Variants in MRTFA observed in about 807,000 individuals in gnomAD.
The protein encoded by MRTFA is myocardin-related transcription factor A.
In MRTFA, 20 loss-of-function variants were observed where a neutral mutation model predicts 83.5. The observed-to-expected ratio is 0.24, with a 90% confidence interval of 0.17 to 0.35. The LOEUF (loss-of-function observed/expected upper bound fraction) is 0.35. Ranked by LOEUF, MRTFA falls within the 10% of genes least tolerant of loss-of-function variation. MRTFA has a pLI of 1.00. For missense variants in MRTFA, 1,200 were observed against 1,224.7 expected (o/e 0.98, Z 0.30); for synonymous variants, 659 against 541.2 (o/e 1.22, Z -3.02).
intron 1 of MRTFA, among the ~76,000 whole-genome samples, chr22:40,628,654 TAA>T (rs55678346): frequency 1.1e-4 from 15 of 142,510 alleles, no homozygotes; most frequent in Middle Eastern, 3.6e-3. Context: ...AATGTGGAAG[TAA>T]AAAAAAAAAA....
chr22:40,622,292 C>T lies in MRTFA; in HGVS notation c.-84+14186G>A, dbSNP rs997965621. On this transcript the variant is annotated intron_variant, in intron 1 of 14. Coordinates refer to ENST00000355630, the MANE Select transcript of MRTFA (RefSeq NM_020831.6). Reference sequence around the variant, plus strand: ...GTCAGGAGTTCAAGACCAGCCCGGCCAAGATGGTGAAACCCCGCCTCTACT... The same window carrying T: ...GTCAGGAGTTCAAGACCAGCCCGGCTAAGATGGTGAAACCCCGCCTCTACT... Among the ~76,000 whole-genome samples the T allele has an allele frequency of 2.6e-5, 4 of 151,532 alleles. No individual in the cohort carries two copies. In the East Asian group the frequency reaches 5.8e-4, roughly 22 times the overall value.
chr22:40,477,344 G>A (rs933265642), intron 3 of MRTFA, among the ~76,000 whole-genome samples: 1 of 151,188 alleles, frequency 6.6e-6, no homozygotes, highest in South Asian at 2.1e-4. Flanking sequence ...AGTGAGACTC[G>A]GTCTCAAAAT....
In MRTFA at chr22:40,424,400, G is replaced by A. The variant is rs762250475; in HGVS notation, c.602-19C>T. ...TGGCCCACTGAAACCCAAAGCTGGT[G>A]TGAGATTCCACTTCCAGCCCAGGGA... On this transcript the variant is annotated intron_variant, in intron 7 of 14. Transcript: ENST00000355630. 4 of 1,611,142 alleles carry A rather than the reference G, an allele frequency of 2.5e-6. No individual in the cohort carries two copies. Among genetic ancestry groups the A allele is most frequent in the South Asian group, 1.1e-5 (1 of 90,648 alleles).
At chr22:40,496,983 CTTTGT>C (rs1384819362) in intron 3 of MRTFA, among the ~76,000 whole-genome samples, 2 of 152,176 alleles carry the variant, frequency 1.3e-5, no homozygotes, top group Non-Finnish European at 2.9e-5. Flanking sequence ...AAGCTACACC[CTTTGT>C]TTTGTTTCAT....
intron 6 of MRTFA, 102 bp from the exon 7 acceptor site, chr22:40,429,869 G>T: frequency 8.1e-7 from 1 of 1,230,198 alleles, no homozygotes; most frequent in Non-Finnish European, 1.1e-6. Flanking sequence ...CAAGAGGAGT[G>T]ACTGTCAGAA....
At chr22:40,553,535 C>T (rs1008604871) in intron 2 of MRTFA, among the ~76,000 whole-genome samples, 3 of 152,098 alleles carry the variant, frequency 2.0e-5, no homozygotes, top group Non-Finnish European at 4.4e-5. Context: ...CCTCAGCAGC[C>T]GCCATGTGGT....
At chr22:40,539,649 C>A (rs2055254725) in intron 3 of MRTFA, among the ~76,000 whole-genome samples, 1 of 151,852 alleles carries the variant, frequency 6.6e-6, no homozygotes, top group South Asian at 2.1e-4. Flanking sequence ...ATTACAGGCA[C>A]ACACCACCAC....
At chr22:40,489,251 C>G (rs1302150631) in intron 3 of MRTFA, among the ~76,000 whole-genome samples, 1 of 152,076 alleles carries the variant, frequency 6.6e-6, no homozygotes, top group Non-Finnish European at 1.5e-5. Flanking sequence ...ATTCTTAATA[C>G]TTTTACCATT....
intron 2 of MRTFA, among the ~76,000 whole-genome samples, chr22:40,588,297 G>C (rs2056063223): frequency 1.3e-5 from 2 of 152,166 alleles, no homozygotes; most frequent in African/African-American, 4.8e-5. Context: ...AAAGTGCTGG[G>C]ATTACAGGTG....
At chr22:40,448,615 T>C (rs1345260203) in intron 4 of MRTFA, among the ~76,000 whole-genome samples, 1 of 152,240 alleles carries the variant, frequency 6.6e-6, no homozygotes, top group Non-Finnish European at 1.5e-5. Context: ...CTTGTCATTT[T>C]CTCTAATATT....
intron 3 of MRTFA, among the ~76,000 whole-genome samples, chr22:40,503,633 TCCCAGG>T: frequency 6.6e-6 from 1 of 152,196 alleles, no homozygotes; most frequent in Admixed American, 6.5e-5. Flanking sequence ...CATCAGTGTT[TCCCAGG>T]ATACTGGCTG....
At chr22:40,458,802 G>A (rs997298436) in intron 4 of MRTFA, among the ~76,000 whole-genome samples, 7 of 152,248 alleles carry the variant, frequency 4.6e-5, no homozygotes, top group African/African-American at 1.7e-4. Context: ...GGCTGGCCGG[G>A]CGTGGAGGCT....
intron 2 of MRTFA, among the ~76,000 whole-genome samples, chr22:40,560,812 G>A (rs73169032): frequency 0.088 from 13,341 of 152,004 alleles, 758 homozygotes; most frequent in East Asian, 0.24. Context: ...CACCCTACCC[G>A]CTTTAGGGCT....
intron 1 of MRTFA, among the ~76,000 whole-genome samples, chr22:40,620,332 C>A (rs2056506816): frequency 6.6e-6 from 1 of 151,492 alleles, no homozygotes. Context: ...CTATGTTGGT[C>A]AGGCTGGTCT....
intron 1 of MRTFA, among the ~76,000 whole-genome samples, chr22:40,600,586 C>T (rs1336740580): frequency 2.6e-5 from 4 of 152,132 alleles, no homozygotes; most frequent in African/African-American, 9.7e-5. Flanking sequence ...ATAAAGAAGG[C>T]CTATGTAGCC....
intron 3 of MRTFA, among the ~76,000 whole-genome samples, chr22:40,473,450 T>C (rs2053947103): frequency 6.6e-6 from 1 of 152,166 alleles, no homozygotes; most frequent in Non-Finnish European, 1.5e-5. Context: ...TGAGCCACTG[T>C]ACCCAGCCAA....
rs188445982 is a variant in MRTFA, at chr22:40,434,210, G to A, written c.363+1289C>T. ...TGCCCAGTCTTCTGACCGAATAGGC[G>A]CACAGGCAACGCCATCCTTTCCCCC... On this transcript the variant is annotated intron_variant, in intron 5 of 14. Coordinates refer to ENST00000355630, the MANE Select transcript of MRTFA (RefSeq NM_020831.6). 9.6e-4 allele frequency among the ~76,000 whole-genome samples: 146 copies of A among 152,218 alleles called. 1 individual carries two copies. In the Middle Eastern group the frequency reaches 0.02, roughly 21 times the overall value.
chr22:40,630,049 A>C (rs949306669), intron 1 of MRTFA, among the ~76,000 whole-genome samples: 2 of 151,962 alleles, frequency 1.3e-5, no homozygotes, highest in Non-Finnish European at 2.9e-5. Context: ...ACGGTGGCTC[A>C]TGCTTATCAT....
intron 3 of MRTFA, among the ~76,000 whole-genome samples, chr22:40,520,224 A>G (rs2054841513): frequency 6.6e-6 from 1 of 152,166 alleles, no homozygotes; most frequent in African/African-American, 2.4e-5. Context: ...TCAACCATTC[A>G]AAGTGCATAA....
Sources: gnomAD v4.1 joint callset for allele counts (sites outside exome capture counted in the v4.1 genomes callset) on GRCh38, gnomAD v4.1.1 for gene constraint, MANE v1.5 for transcripts, NCBI Gene and HGNC (gene_info 2026-07-23, HGNC 2026-07-21) for gene names.